Variants in DIXDC1 observed in about 807,000 individuals in gnomAD.
DIXDC1 encodes the protein dixin.
A neutral mutation model predicts 103.1 loss-of-function variants in DIXDC1; 64 were observed. That is an observed-to-expected ratio of 0.62 (90% CI 0.51 to 0.76). The LOEUF (loss-of-function observed/expected upper bound fraction) is 0.76. DIXDC1 is among the 30% of genes least tolerant of loss of function. The pLI is 0.00. For missense variants in DIXDC1, 759 were observed against 834.2 expected, an observed-to-expected ratio of 0.91 and a Z score of 1.11; for synonymous variants, 266 against 298.5, an observed-to-expected ratio of 0.89 and a Z score of 1.12.
rs1011912270 is a variant in DIXDC1 at position 111,977,418 on chromosome 11, G to A, written c.656+2435G>A. ...ATGGGTTGAGATGCCCCCGCCAGGGGGGATGCCCGGCACCGTGCGTCCGCG... is the reference window on the plus strand; with the variant it reads ...ATGGGTTGAGATGCCCCCGCCAGGGAGGATGCCCGGCACCGTGCGTCCGCG... On this transcript the variant is annotated intron_variant, in intron 5 of 19. Coordinates refer to ENST00000440460, the MANE Select transcript of DIXDC1 (RefSeq NM_001037954.4). The surrounding 1 kb of genome is among the most constrained non-coding windows in gnomAD (Gnocchi z 6.1). The A allele has an allele frequency of 8.2e-5, 96 of 1,173,482 alleles. No individual in the cohort carries two copies. The highest frequency in any genetic ancestry group is 9.9e-5 in the Non-Finnish European group (94 of 948,168). The allele number at this position is 1,173,482 out of a possible 1,614,324, so 72.7% of individuals were successfully genotyped here. A position where few individuals can be genotyped will look rare whatever the true frequency, so the allele number is the denominator to read the frequency against.
chr11:111,991,776 A>G (rs968571829), intron 10 of DIXDC1, among the ~76,000 whole-genome samples: 1 of 152,224 alleles, frequency 6.6e-6, no homozygotes, highest in Non-Finnish European at 1.5e-5. Context: ...CTCAGTGGAA[A>G]TATAATTCTA....
intron 17 of DIXDC1, among the ~76,000 whole-genome samples, chr11:111,996,599 C>G (rs1555175429): frequency 6.6e-6 from 1 of 152,074 alleles, no homozygotes; most frequent in Admixed American, 6.6e-5. Flanking sequence ...GCCTGTAATC[C>G]CAGCACTTTG....
intron 17 of DIXDC1, among the ~76,000 whole-genome samples, chr11:112,001,041 C>T (rs182956423): frequency 3.2e-4 from 49 of 152,276 alleles, no homozygotes; most frequent in Admixed American, 1.4e-3. Context: ...GGTAGAAACA[C>T]CCCAGATGTC....
intron 17 of DIXDC1, 93 bp downstream of exon 17, chr11:111,996,239 T>C: frequency 1.8e-6 from 2 of 1,081,716 alleles, no homozygotes; most frequent in Non-Finnish European, 2.7e-6. Context: ...GTAATTTTTC[T>C]TGTAGTACTT....
chr11:111,975,233 CCA>C (rs1354446041), intron 5 of DIXDC1: 2 of 1,279,306 alleles, frequency 1.6e-6, no homozygotes, highest in African/African-American at 3.0e-5. Context: ...TTAACTGTGA[CCA>C]CATGGGGGCA....
intron 19 of DIXDC1, among the ~76,000 whole-genome samples, chr11:112,018,434 AC>A (rs1286467597): frequency 1.3e-5 from 2 of 152,238 alleles, no homozygotes; most frequent in Non-Finnish European, 2.9e-5. Flanking sequence ...CACTGCAGTT[AC>A]AGAATGAAAA....
In DIXDC1 at chr11:112,022,402, C is replaced by T. The variant is rs1383793697; in HGVS notation, c.*3366C>T. 3 of 152,512 alleles carry T rather than the reference C, an allele frequency of 2.0e-5. No individual in the cohort carries two copies. The highest frequency in any genetic ancestry group is 7.2e-5 in the African/African-American group (3 of 41,430). The allele number at this position is 152,512 out of a possible 1,614,324, so 9.4% of individuals were successfully genotyped here. A position where few individuals can be genotyped will look rare whatever the true frequency, so the allele number is the denominator to read the frequency against. On this transcript the variant is annotated 3_prime_UTR_variant, in exon 20 of 20. Coordinates refer to ENST00000440460, the MANE Select transcript of DIXDC1 (RefSeq NM_001037954.4). The surrounding 1 kb of genome is among the most constrained non-coding windows in gnomAD (Gnocchi z 4.9). ...GAAACATGGATGTTTACAGCCATTG[C>T]TTTCAAAGAGATTATTACTGTGTAT...
intron 11 of DIXDC1, 139 bp from the exon 12 acceptor site, chr11:111,992,812 C>A: frequency 1.2e-6 from 1 of 864,474 alleles, no homozygotes; most frequent in Non-Finnish European, 1.8e-6. Context: ...ATGTGGAGAG[C>A]AGCTGTGTAT....
upstream of DIXDC1, among the ~76,000 whole-genome samples, chr11:111,934,813 A>T (rs1592532993): frequency 6.6e-6 from 1 of 152,206 alleles, no homozygotes; most frequent in East Asian, 1.9e-4. Flanking sequence ...TGAGAGGCAG[A>T]CTATGTAAAA....
At chr11:111,985,455 G>T (rs980970506) in intron 8 of DIXDC1, 134 bp downstream of exon 8, 3 of 688,136 alleles carry the variant, frequency 4.4e-6, no homozygotes, top group South Asian at 2.0e-5. Context: ...CTACATTTTT[G>T]ACCATTGTTT....
rs1861729118 is a variant in DIXDC1 at position 112,020,692 on chromosome 11, A to G, written c.*1656A>G. 1 of 152,196 alleles carries G rather than the reference A, an allele frequency of 6.6e-6. No individual in the cohort carries two copies. The allele number at this position is 152,196 out of a possible 1,614,324, so 9.4% of individuals were successfully genotyped here. On this transcript the variant is annotated 3_prime_UTR_variant, in exon 20 of 20. Coordinates refer to ENST00000440460, the MANE Select transcript of DIXDC1 (RefSeq NM_001037954.4). ...TTAATGACAACTAATTCCTGTTCCA[A>G]TTCTACCTGTTTTAGTTGTGAAGGT...
At chr11:112,001,110 AC>A (rs1555175951) in intron 17 of DIXDC1, among the ~76,000 whole-genome samples, 1 of 152,240 alleles carries the variant, frequency 6.6e-6, no homozygotes, top group African/African-American at 2.4e-5. Flanking sequence ...AATATTATTC[AC>A]CTATAAAGAG....
At chr11:112,002,508 A>G (rs1214500210) in intron 17 of DIXDC1, among the ~76,000 whole-genome samples, 1 of 152,218 alleles carries the variant, frequency 6.6e-6, no homozygotes, top group African/African-American at 2.4e-5. Context: ...CCAATAGCCA[A>G]GGCTGGTCAC....
At chr11:111,978,842 C>T (rs1407567892) in intron 5 of DIXDC1, among the ~76,000 whole-genome samples, 1 of 152,214 alleles carries the variant, frequency 6.6e-6, no homozygotes, top group Non-Finnish European at 1.5e-5. Context: ...CTTGGATTCC[C>T]ATTTCTGTAA....
At chr11:111,966,207 G>GTTTT (rs1217671835) in intron 2 of DIXDC1, among the ~76,000 whole-genome samples, 1 of 110,252 alleles carries the variant, frequency 9.1e-6, no homozygotes, top group Non-Finnish European at 1.8e-5. Flanking sequence ...AAAACCCGGG[G>GTTTT]TTTTTTTTTT....
intron 9 of DIXDC1, among the ~76,000 whole-genome samples, chr11:111,988,259 A>G (rs1860566411): frequency 6.6e-6 from 1 of 152,178 alleles, no homozygotes; most frequent in Admixed American, 6.5e-5. Context: ...TGGCCTCCCA[A>G]AGTGCTGGGA....
rs1859676460 is a variant in DIXDC1 at position 111,964,790 on chromosome 11, A to G, written c.190+112A>G. 6.8e-6 allele frequency: 9 copies of G among 1,321,858 alleles called. No homozygotes were observed. In the South Asian group the frequency reaches 1.3e-4, roughly 19 times the overall value. The allele number at this position is 1,321,858 out of a possible 1,614,324, so 81.9% of individuals were successfully genotyped here. On this transcript the variant is annotated intron_variant, in intron 2 of 19. Coordinates refer to ENST00000440460, the MANE Select transcript of DIXDC1 (RefSeq NM_001037954.4). Reference sequence around the variant, plus strand: ...TTTTTTCTTTAGAATATATGGCAGTAGAGGTAGAGAAGACTTAAAATACTT... The same window carrying G: ...TTTTTTCTTTAGAATATATGGCAGTGGAGGTAGAGAAGACTTAAAATACTT...
intron 17 of DIXDC1, among the ~76,000 whole-genome samples, chr11:112,012,710 A>G (rs1861461774): frequency 6.6e-6 from 1 of 152,194 alleles, no homozygotes; most frequent in African/African-American, 2.4e-5. Flanking sequence ...TTTTATAGTA[A>G]TGCCATAATA....
intron 17 of DIXDC1, among the ~76,000 whole-genome samples, chr11:112,001,379 T>A (rs192615436): frequency 4.1e-4 from 63 of 152,302 alleles, no homozygotes; most frequent in African/African-American, 1.5e-3. Flanking sequence ...AACTGGATAA[T>A]GGTGGTTGTT....
Sources: gnomAD v4.1 joint callset for allele counts (sites outside exome capture counted in the v4.1 genomes callset) on GRCh38, gnomAD v4.1.1 for gene constraint, Gnocchi (gnomAD v3.1) non-coding constraint, MANE v1.5 for transcripts, NCBI Gene and HGNC (gene_info 2026-07-23, HGNC 2026-07-21) for gene names.